Variants in GADD45G observed in about 807,000 individuals in gnomAD.
GADD45G encodes the protein growth arrest and DNA damage inducible gamma.
Under a neutral mutation model 17.3 loss-of-function variants are expected in GADD45G, and 7 were observed. That is an observed-to-expected ratio of 0.41 (90% CI 0.23 to 0.76). The LOEUF is 0.76. Among genes scored for constraint, GADD45G ranks in the 30% least tolerant of loss-of-function variants. The pLI is 0.34. For synonymous variants in GADD45G, 93 were observed against 94.9 expected, an observed-to-expected ratio of 0.98 and a Z score of 0.12; for missense variants, 149 against 219.2, an observed-to-expected ratio of 0.68 and a Z score of 2.02.
Position 89,605,060 on chromosome 9 carries a change from G to C in GADD45G, c.-62G>C. The C allele has an allele frequency of 7.5e-7, 1 of 1,339,862 alleles. No individual in the cohort carries two copies. Among genetic ancestry groups the C allele is most frequent in the Admixed American group, 1.9e-5 (1 of 53,636 alleles). The allele number at this position is 1,339,862 out of a possible 1,614,324, so 83.0% of individuals were successfully genotyped here. A position where few individuals can be genotyped will look rare whatever the true frequency, so the allele number is the denominator to read the frequency against. On this transcript the variant is annotated 5_prime_UTR_variant, in exon 1 of 4. Coordinates refer to ENST00000252506, the MANE Select transcript of GADD45G (RefSeq NM_006705.4). ...CGTGCTGAGCTCTGGCTGTCAGTGT[G>C]TTCGCCCGCGTCCCCTCCGCGCTCT...
rs200515719 is a variant in GADD45G, at chr9:89,605,414, G to A, written c.54-18G>A. The stretch of plus-strand genomic sequence containing the variant: ...GCCCTCCGGCCGGCTCCCGCTCACT[G>A]CGCTGGCTCCTCCGCAGGATGCAGG... On this transcript the variant is annotated intron_variant, in intron 1 of 3. Coordinates refer to ENST00000252506, the MANE Select transcript of GADD45G (RefSeq NM_006705.4). 5.8e-5 allele frequency: 89 copies of A among 1,538,374 alleles called. 1 individual carries two copies. The Admixed American group carries it at 1.5e-3, about 25-fold the overall frequency.
Position 89,605,453 on chromosome 9 carries a change from G to C in GADD45G, c.75G>C (p.Ala25=), listed in dbSNP as rs1307938354. The part of the protein sequence containing the change: ...STARMQGAGK[A]LHELLLSAQR... ...GCAGGATGCAGGGTGCCGGGAAAGC[G>C]CTGCATGAGTTGCTGCTGTCGGCGC... is the stretch of plus-strand genomic sequence containing the variant. Residue 25 remains alanine, a synonymous_variant, in exon 2 of 4, where the codon GCG becomes GCC. Transcript: ENST00000252506. 1.9e-6 allele frequency: 3 copies of C among 1,557,536 alleles called. No individual in the cohort carries two copies. The highest frequency in any genetic ancestry group is 2.6e-6 in the Non-Finnish European group (3 of 1,150,624).
At position 89,605,203 on chromosome 9, in the gene GADD45G, T is replaced by C. The variant is rs768678190; in HGVS notation, c.53+29T>C. ...GGTTTCAGGGCGCTGAGAAAGCCGC[T>C]GGTCGGTCGGCGACCGTCAGGGTTT... On this transcript the variant is annotated intron_variant, in intron 1 of 3. Coordinates refer to ENST00000252506, the MANE Select transcript of GADD45G (RefSeq NM_006705.4). 10 of 1,604,640 alleles carry C rather than the reference T, an allele frequency of 6.2e-6. No individual in the cohort carries two copies. In the African/African-American group the frequency reaches 1.2e-4, roughly 19 times the overall value.
At chr9:89,605,362 G>GGTGGCCGGGGCTGGGGTC in intron 1 of GADD45G, 70 bp from the exon 2 acceptor site, 1 of 1,214,354 alleles carries the variant, frequency 8.2e-7, no homozygotes, top group Non-Finnish European at 1.2e-6. Flanking sequence ...GGTGTGTGCC[G>GGTGGCCGGGGCTGGGGTC]GTGGCCGGGG....
chr9:89,605,222 A>T, intron 1 of GADD45G, 48 bp downstream of exon 1: 1 of 1,535,550 alleles, frequency 6.5e-7, no homozygotes, highest in East Asian at 2.3e-5. Context: ...GGCGACCGTC[A>T]GGGTTTTCCA....
Position 89,605,428 on chromosome 9 carries a change from G to T in GADD45G, c.54-4G>T, listed in dbSNP as rs1180989815. The T allele has an allele frequency of 3.9e-6, 6 of 1,548,808 alleles. No individual in the cohort carries two copies. The highest frequency in any genetic ancestry group is 2.4e-5 in the East Asian group (1 of 41,026). On this transcript the variant is annotated splice_region_variant and splice_polypyrimidine_tract_variant and intron_variant, in intron 1 of 3. Transcript: ENST00000252506. ...TCCCGCTCACTGCGCTGGCTCCTCC[G>T]CAGGATGCAGGGTGCCGGGAAAGCG...
chr9:89,605,408 C>T (rs1004575122), intron 1 of GADD45G, 24 bp from the exon 2 acceptor site: 2 of 1,523,678 alleles, frequency 1.3e-6, no homozygotes, highest in Non-Finnish European at 1.8e-6. Flanking sequence ...CCGGCTCCCG[C>T]TCACTGCGCT....
At position 89,606,118 on chromosome 9, in the gene GADD45G, G is replaced by A. The variant is rs774715512; in HGVS notation, c.*39G>A. On this transcript the variant is annotated 3_prime_UTR_variant, in exon 4 of 4. Coordinates refer to ENST00000252506, the MANE Select transcript of GADD45G (RefSeq NM_006705.4). ...ACCTTGGTCTGATCGACGTGGTGAC[G>A]CCCCGGGGCGCCTAGAGCGCGGCTG... 2 of 1,457,512 alleles carry A rather than the reference G, an allele frequency of 1.4e-6. No individual in the cohort carries two copies. The highest frequency in any genetic ancestry group is 2.4e-5 in the South Asian group (2 of 84,238). 90.3% of individuals were successfully genotyped at this position (1,457,512 alleles called of 1,614,324 possible).
In GADD45G at chr9:89,606,229, G is replaced by C; in HGVS notation, c.*150G>C. On this transcript the variant is annotated 3_prime_UTR_variant, in exon 4 of 4. Transcript: ENST00000252506. ...GGGCGCCTGGAGAGCGAGGAGGCGC[G>C]GCCTCCCGAGGAGGGGCCCGGTGGC... is the stretch of plus-strand genomic sequence containing the variant. 1 of 654,270 alleles carries C rather than the reference G, an allele frequency of 1.5e-6. No individual in the cohort carries two copies. Among genetic ancestry groups the C allele is most frequent in the East Asian group, 2.7e-5 (1 of 36,684 alleles). The allele number at this position is 654,270 out of a possible 1,614,324, so 40.5% of individuals were successfully genotyped here.
rs1588254259 is a variant in GADD45G at position 89,606,371 on chromosome 9, C to G, written c.*292C>G. On this transcript the variant is annotated 3_prime_UTR_variant, in exon 4 of 4. Coordinates refer to ENST00000252506, the MANE Select transcript of GADD45G (RefSeq NM_006705.4). ...GGCCAGGAAGGACAGACTGGCCGGG[C>G]AGGCGTGACTCAGCAGCCTGCGCTC... 1 of 468,254 alleles carries G rather than the reference C, an allele frequency of 2.1e-6. No homozygotes were observed. The allele number at this position is 468,254 out of a possible 1,614,324, so 29.0% of individuals were successfully genotyped here.
rs1168383056 is a variant in GADD45G at position 89,605,547 on chromosome 9, C to A, written c.155+14C>A. On this transcript the variant is annotated intron_variant, in intron 2 of 3. Coordinates refer to ENST00000252506, the MANE Select transcript of GADD45G (RefSeq NM_006705.4). ...AGTCTTGAACGTGTAAGTGTAGACGCGGCCCAGGCTGGGAGACAGGGGCGG... is the reference window on the plus strand; with the variant it reads ...AGTCTTGAACGTGTAAGTGTAGACGAGGCCCAGGCTGGGAGACAGGGGCGG... The A allele has an allele frequency of 3.2e-6, 5 of 1,559,418 alleles. No individual in the cohort carries two copies. The Admixed American group carries it at 5.6e-5, about 18-fold the overall frequency.
At position 89,606,394 on chromosome 9, in the gene GADD45G, C is replaced by T. The variant is rs563549010; in HGVS notation, c.*315C>T. 276 of 425,516 alleles carry T rather than the reference C, an allele frequency of 6.5e-4. 1 individual carries two copies. Among genetic ancestry groups the T allele is most frequent in the African/African-American group, 4.8e-3 (235 of 48,732 alleles). 26.4% of individuals were successfully genotyped at this position (425,516 alleles called of 1,614,324 possible). On this transcript the variant is annotated 3_prime_UTR_variant, in exon 4 of 4. Coordinates refer to ENST00000252506, the MANE Select transcript of GADD45G (RefSeq NM_006705.4). ...GGCAGGCGTGACTCAGCAGCCTGCG[C>T]TCGGCAGGAAGGAGCGGCGCCCTGG...
rs766888067 is a variant in GADD45G at position 89,605,853 on chromosome 9, G to A, written c.342G>A (p.Pro114=). The A allele has an allele frequency of 1.1e-5, 17 of 1,611,832 alleles. No homozygotes were observed. Among genetic ancestry groups the A allele is most frequent in the African/African-American group, 2.7e-5 (2 of 74,870 alleles). ...IVGAGEEAGA[P]GDLHCILISN... ...GCGCCGGCGAGGAGGCGGGTGCGCC[G>A]GGCGACCTGCACTGCATCCTCATTT... The change falls in exon 3 of 4, where the codon CCG becomes CCA. Residue 114 remains proline, a synonymous_variant. Transcript: ENST00000252506.
rs368136463 is a variant in GADD45G at position 89,605,663 on chromosome 9, G to T, written c.156-4G>T. 5 of 1,613,464 alleles carry T rather than the reference G, an allele frequency of 3.1e-6. No individual in the cohort carries two copies. Among genetic ancestry groups the T allele is most frequent in the African/African-American group, 1.3e-5 (1 of 74,934 alleles). ...TGACCTAGGTCCCCGCCTTGCCCTC[G>T]CAGGGACCCCGACAATGTGACCTTC... On this transcript the variant is annotated splice_region_variant and splice_polypyrimidine_tract_variant and intron_variant, in intron 2 of 3. Coordinates refer to ENST00000252506, the MANE Select transcript of GADD45G (RefSeq NM_006705.4).
At chr9:89,605,931 C>G (rs780697159) in intron 3 of GADD45G, 38 bp from the exon 4 acceptor site, 2 of 1,590,906 alleles carry the variant, frequency 1.3e-6, no homozygotes, top group East Asian at 4.6e-5. Flanking sequence ...CCGCCTCGGC[C>G]CGCGGCCAGC....
At chr9:89,605,571 G>T (rs772824250) in intron 2 of GADD45G, 38 bp downstream of exon 2, 2 of 1,552,202 alleles carry the variant, frequency 1.3e-6, no homozygotes, top group East Asian at 2.4e-5. Context: ...AGACAGGGGC[G>T]GGGGTGAATG....
Position 89,605,012 on chromosome 9 carries a change from G to A in GADD45G, c.-110G>A, listed in dbSNP as rs1827494878. On this transcript the variant is annotated 5_prime_UTR_variant, in exon 1 of 4. Transcript: ENST00000252506. ...TAAGGGCGCGCAGCGTAGTAGGGGC[G>A]CACTCGCTGGTGGTGGGCGCGCCGT... is the stretch of plus-strand genomic sequence containing the variant. 10 of 839,820 alleles carry A rather than the reference G, an allele frequency of 1.2e-5. 1 individual carries two copies. The South Asian group carries it at 1.5e-4, about 12-fold the overall frequency. The allele number at this position is 839,820 out of a possible 1,614,324, so 52.0% of individuals were successfully genotyped here. A position where few individuals can be genotyped will look rare whatever the true frequency, so the allele number is the denominator to read the frequency against.
At position 89,605,474 on chromosome 9, in the gene GADD45G, G is replaced by C. The variant is rs1009229240; in HGVS notation, c.96G>C (p.Ser32=). ...AAGCGCTGCATGAGTTGCTGCTGTC[G>C]GCGCAGCGTCAGGGCTGCCTCACTG... ...AGKALHELLL[S]AQRQGCLTAG... The change falls in exon 2 of 4, where the codon TCG becomes TCC. Residue 32 remains serine (S), a synonymous_variant. Transcript: ENST00000252506. 1 of 1,561,698 alleles carries C rather than the reference G, an allele frequency of 6.4e-7. No individual in the cohort carries two copies. The highest frequency in any genetic ancestry group is 1.9e-5 in the Admixed American group (1 of 53,032).
At chr9:89,605,946 C>A in intron 3 of GADD45G, 23 bp from the exon 4 acceptor site, 1 of 1,598,106 alleles carries the variant, frequency 6.3e-7, no homozygotes, top group Non-Finnish European at 8.5e-7. Flanking sequence ...GCCAGCCAGG[C>A]TGACCCTGCT....
Sources: gnomAD v4.1 joint callset for allele counts on GRCh38, gnomAD v4.1.1 for gene constraint, MANE v1.5 for transcripts, NCBI Gene and HGNC (gene_info 2026-07-23, HGNC 2026-07-21) for gene names.